The following CDH12 variants were observed in gnomAD, a reference collection of about 807,000 sequenced individuals.
CDH12 encodes the protein cadherin 12, also known as cadherin-12.
CDH12 carries 41 observed loss-of-function variants against 74.1 expected under a neutral mutation model. The ratio of observed to expected loss-of-function variants is 0.55; its 90% CI spans 0.43 to 0.72. CDH12 has a LOEUF of 0.72. CDH12 is among the 30% of genes least tolerant of loss of function. The pLI is 0.00. For synonymous variants in CDH12, 399 were observed against 355.0 expected (o/e 1.12, Z -1.39); for missense variants, 945 against 977.2 (o/e 0.97, Z 0.44).
chr5:21,842,903 G>A (rs1749951443), intron 7 of CDH12, among the ~76,000 whole-genome samples: 1 of 152,132 alleles, frequency 6.6e-6, no homozygotes, highest in Non-Finnish European at 1.5e-5. Context: ...AGCCAGGACA[G>A]TGCCATTTAC....
chr5:22,334,201 C>G (rs1233367589), intron 3 of CDH12, among the ~76,000 whole-genome samples: 1 of 151,516 alleles, frequency 6.6e-6, no homozygotes, highest in Non-Finnish European at 1.5e-5. Context: ...TGTGTTTTAA[C>G]AGTAAGCAAT....
chr5:21,862,470 C>A (rs1037540643), intron 6 of CDH12, among the ~76,000 whole-genome samples: 16 of 152,034 alleles, frequency 1.1e-4, no homozygotes, highest in African/African-American at 2.9e-4. Flanking sequence ...TGGAACTGAG[C>A]CCCACTAAGT....
At chr5:22,829,537 C>T (rs563481193) in intron 1 of CDH12, among the ~76,000 whole-genome samples, 3 of 152,246 alleles carry the variant, frequency 2.0e-5, no homozygotes, top group African/African-American at 7.2e-5. Flanking sequence ...AGGAGGAGTG[C>T]CACAGTTTAA....
intron 3 of CDH12, among the ~76,000 whole-genome samples, chr5:22,256,516 C>T (rs1279762952): frequency 6.6e-6 from 1 of 152,264 alleles, no homozygotes; most frequent in South Asian, 2.1e-4. Context: ...CTATACTATA[C>T]TTTCTATTAT....
intron 5 of CDH12, among the ~76,000 whole-genome samples, chr5:22,010,072 G>A (rs529016295): frequency 1.2e-4 from 18 of 151,754 alleles, no homozygotes; most frequent in African/African-American, 3.4e-4. Flanking sequence ...TAAAACAATT[G>A]TGTGGGCTCT....
At chr5:22,524,480 G>A (rs1737184416) in intron 1 of CDH12, among the ~76,000 whole-genome samples, 5 of 151,976 alleles carry the variant, frequency 3.3e-5, no homozygotes, top group African/African-American at 4.8e-5. Flanking sequence ...ATTTTAAAAC[G>A]GCCAAGCACT....
intron 1 of CDH12, among the ~76,000 whole-genome samples, chr5:22,721,880 C>T (rs954895224): frequency 6.6e-6 from 1 of 152,024 alleles, no homozygotes; most frequent in African/African-American, 2.4e-5. Flanking sequence ...AAGGTGCTTG[C>T]TTCTCCTTCT....
intron 3 of CDH12, among the ~76,000 whole-genome samples, chr5:22,312,516 A>C (rs1738438092): frequency 6.6e-6 from 1 of 152,134 alleles, no homozygotes; most frequent in Admixed American, 6.5e-5. Context: ...TATCAATTTC[A>C]AAAGATATTT....
chr5:22,247,829 C>T (rs1328048710), intron 3 of CDH12, among the ~76,000 whole-genome samples: 1 of 152,120 alleles, frequency 6.6e-6, no homozygotes, highest in African/African-American at 2.4e-5. Context: ...GCAAAAGTCA[C>T]ATGTAAACAT....
At chr5:22,127,673 C>A (rs1247238506) in intron 4 of CDH12, among the ~76,000 whole-genome samples, 1 of 152,126 alleles carries the variant, frequency 6.6e-6, no homozygotes, top group Non-Finnish European at 1.5e-5. Flanking sequence ...TCTGAAATTG[C>A]AAATTATTTC....
intron 5 of CDH12, among the ~76,000 whole-genome samples, chr5:21,976,704 C>T (rs1458766301): frequency 6.6e-6 from 1 of 151,784 alleles, no homozygotes. Context: ...AACAGATCAC[C>T]CAAAAGAAAA....
chr5:21,998,130 C>T (rs1030937663), intron 5 of CDH12, among the ~76,000 whole-genome samples: 6 of 152,034 alleles, frequency 3.9e-5, no homozygotes, highest in Admixed American at 6.6e-5. Context: ...TTCATTCTTA[C>T]TTTGTCGTTA....
At chr5:22,041,054 T>C (rs770587140) in intron 5 of CDH12, among the ~76,000 whole-genome samples, 1 of 151,842 alleles carries the variant, frequency 6.6e-6, no homozygotes, top group African/African-American at 2.4e-5. Context: ...ATATAAAATA[T>C]AGGGGGAAAG....
At chr5:22,806,635 T>C (rs1748829523) in intron 1 of CDH12, among the ~76,000 whole-genome samples, 1 of 152,114 alleles carries the variant, frequency 6.6e-6, no homozygotes, top group Admixed American at 6.6e-5. Context: ...ATTACAAGCA[T>C]GAGCCACCGC....
At chr5:21,759,838 T>C (rs1744615568) in intron 13 of CDH12, among the ~76,000 whole-genome samples, 1 of 151,994 alleles carries the variant, frequency 6.6e-6, no homozygotes, top group Non-Finnish European at 1.5e-5. Context: ...CCTCCTCCCA[T>C]CCTCACCCCT....
rs112105449 is a variant in CDH12, at chr5:21,868,916, T to G, written c.527-14126A>C. Among the ~76,000 whole-genome samples, 808 of 152,256 alleles carry G rather than the reference T, an allele frequency of 5.3e-3. 13 individuals carry two copies. Among genetic ancestry groups the G allele is most frequent in the African/African-American group, 0.019 (772 of 41,554 alleles). ...AATTTTGAGGGCCAGGGTGGATTAT[T>G]GGCACCACTCACCATTACCCCTGGT... is the stretch of plus-strand genomic sequence containing the variant. On this transcript the variant is annotated intron_variant, in intron 6 of 14. Coordinates refer to ENST00000382254, the MANE Select transcript of CDH12 (RefSeq NM_004061.5).
intron 2 of CDH12, among the ~76,000 whole-genome samples, chr5:22,419,756 C>A (rs1743557005): frequency 6.6e-6 from 1 of 152,204 alleles, no homozygotes; most frequent in Admixed American, 6.5e-5. Flanking sequence ...CACTAATTTA[C>A]ATTTCCACCA....
intron 4 of CDH12, among the ~76,000 whole-genome samples, chr5:22,202,771 T>C (rs375606287): frequency 1.3e-5 from 2 of 152,194 alleles, no homozygotes; most frequent in Admixed American, 6.5e-5. Flanking sequence ...AAATCACCTA[T>C]GGATTTATAA....
chr5:22,495,197 A>C (rs937553393), intron 2 of CDH12, among the ~76,000 whole-genome samples: 1 of 152,142 alleles, frequency 6.6e-6, no homozygotes, highest in Non-Finnish European at 1.5e-5. Context: ...AATTTCAAAC[A>C]ACACAAAAAA....
Sources: gnomAD v4.1 joint callset for allele counts (sites outside exome capture counted in the v4.1 genomes callset) on GRCh38, gnomAD v4.1.1 for gene constraint, MANE v1.5 for transcripts, NCBI Gene and HGNC (gene_info 2026-07-23, HGNC 2026-07-21) for gene names.